The following DNASE1 variants were observed in gnomAD, a reference collection of about 807,000 sequenced individuals.
DNASE1 encodes deoxyribonuclease 1, also known as deoxyribonuclease-1.
In DNASE1, 40 loss-of-function variants were observed where a neutral mutation model predicts 33.9. The observed-to-expected ratio is 1.18, with a 90% confidence interval of 0.92 to 1.54. The LOEUF (loss-of-function observed/expected upper bound fraction) is 1.54, where lower values mean the gene tolerates loss of function less well. Ranked by LOEUF, DNASE1 falls within the 40% of genes most tolerant of loss-of-function variation. The pLI is 0.00. For missense variants in DNASE1, 518 were observed against 372.6 expected (o/e 1.39, Z -3.21); for synonymous variants, 216 against 160.0 (o/e 1.35, Z -2.64).
At chr16:3,642,123 C>T (rs868058499), upstream of DNASE1, among the ~76,000 whole-genome samples, 1 of 152,170 alleles carries the variant, frequency 6.6e-6, no homozygotes, top group Admixed American at 6.5e-5. Context: ...CCCTCCTGGC[C>T]GTGGAGACAG....
At chr16:3,614,044 C>T (rs1262055599) in intron 1 of DNASE1, among the ~76,000 whole-genome samples, 3 of 151,774 alleles carry the variant, frequency 2.0e-5, no homozygotes, top group East Asian at 1.9e-4. Context: ...TCCCGAATAC[C>T]TGGGACTACA....
chr16:3,661,770 T>G (rs1485377686), downstream of DNASE1: 18 of 465,096 alleles, frequency 3.9e-5, no homozygotes, highest in Non-Finnish European at 5.0e-5. Flanking sequence ...GGCTGGGATG[T>G]GGCTAACCTC....
chr16:3,626,356 C>T (rs779764403), intron 1 of DNASE1, among the ~76,000 whole-genome samples: 5 of 152,148 alleles, frequency 3.3e-5, no homozygotes, highest in East Asian at 1.9e-4. Context: ...AACTGCTAGA[C>T]AATAGCTAGT....
intron 1 of DNASE1, among the ~76,000 whole-genome samples, chr16:3,618,103 A>AG (rs34978472): frequency 6.7e-6 from 1 of 150,332 alleles, no homozygotes; most frequent in Non-Finnish European, 1.5e-5. Flanking sequence ...AAAAAAAAAA[A>AG]TGGACATAGG....
intron 1 of DNASE1, among the ~76,000 whole-genome samples, chr16:3,645,734 T>C (rs1235437821): frequency 6.6e-6 from 1 of 152,220 alleles, no homozygotes; most frequent in African/African-American, 2.4e-5. Context: ...GTGCAGCTGT[T>C]GTAAGTCTTT....
intron 1 of DNASE1, 94 bp from the exon 2 acceptor site, chr16:3,655,279 C>G: frequency 6.4e-7 from 1 of 1,564,930 alleles, no homozygotes. Flanking sequence ...TTGAGCTCCA[C>G]CAGCCCCTGC....
At chr16:3,657,461 A>T (rs1397675661) in intron 7 of DNASE1, 120 bp downstream of exon 7, 11 of 1,379,642 alleles carry the variant, frequency 8.0e-6, no homozygotes, top group Non-Finnish European at 9.9e-6. Context: ...GCTTCAGTTG[A>T]TCCACTACAG....
intron 1 of DNASE1, among the ~76,000 whole-genome samples, chr16:3,645,110 A>C (rs1197854512): frequency 6.6e-6 from 1 of 152,198 alleles, no homozygotes; most frequent in Non-Finnish European, 1.5e-5. Context: ...CCTGGGTGAC[A>C]GAGTGAGAGA....
rs8176928 is a variant in DNASE1, at chr16:3,656,184, A to G, written c.319A>G (p.Arg107Gly). Residue 107 changes from arginine to glycine, a missense_variant and splice_region_variant, in exon 4 of 9, where the codon AGG becomes GGG. Transcript: ENST00000246949. ...TAAGGAGCGCTACCTGTTCGTGTAC[A>G]GGTGGGTGGTCTAGAAAGCCAGGAA... ...SYKERYLFVY[R>G]PDQVSAVDSY... 7.5e-4 allele frequency: 1,214 copies of G among 1,614,018 alleles called. 4 individuals carry two copies. The African/African-American group carries it at 0.014, about 18-fold the overall frequency.
Position 3,657,947 on chromosome 16 carries a change from G to A in DNASE1, c.843G>A (p.Leu281=), listed in dbSNP as rs778027939. Reference sequence around the variant, plus strand: ...ACCACTATCCAGTGGAGGTGATGCTGAAGTGAGCAGCCCCTCCCCACACCA... The same window carrying A: ...ACCACTATCCAGTGGAGGTGATGCTAAAGTGAGCAGCCCCTCCCCACACCA... ...ISDHYPVEVM[L]K Residue 281 remains leucine (L), a synonymous_variant, in exon 9 of 9, where the codon CTG becomes CTA. Transcript: ENST00000246949. 5 of 1,613,958 alleles carry A rather than the reference G, an allele frequency of 3.1e-6. No individual in the cohort carries two copies. In the South Asian group the frequency reaches 5.5e-5, roughly 18 times the overall value.
At chr16:3,612,651 C>G (rs1050498231) in intron 1 of DNASE1, among the ~76,000 whole-genome samples, 4 of 151,250 alleles carry the variant, frequency 2.6e-5, no homozygotes, top group African/African-American at 4.9e-5. Context: ...GCAAGAGATC[C>G]TCCCGCCTCG....
chr16:3,658,808 C>T (rs773398040), downstream of DNASE1: 4 of 1,613,832 alleles, frequency 2.5e-6, no homozygotes, highest in Non-Finnish European at 3.4e-6. Context: ...CCACCAGCAG[C>T]TGAGCCAGGC....
intron 1 of DNASE1, among the ~76,000 whole-genome samples, chr16:3,613,917 T>A (rs865820483): frequency 0.051 from 7,324 of 144,992 alleles, 227 homozygotes; most frequent in Admixed American, 0.071. Flanking sequence ...AATTTTTTTT[T>A]TTTTTTTTTT....
At chr16:3,632,155 T>C (rs1355796810) in intron 1 of DNASE1, among the ~76,000 whole-genome samples, 1 of 152,220 alleles carries the variant, frequency 6.6e-6, no homozygotes, top group East Asian at 1.9e-4. Flanking sequence ...TTGGTGAATG[T>C]TCCATGTGAG....
At chr16:3,634,045 C>T (rs1471552487) in intron 1 of DNASE1, among the ~76,000 whole-genome samples, 1 of 151,826 alleles carries the variant, frequency 6.6e-6, no homozygotes, top group East Asian at 2.0e-4. Flanking sequence ...CTCCTGACCT[C>T]GTGATCCGCC....
At chr16:3,615,028 T>C (rs904266102) in intron 1 of DNASE1, among the ~76,000 whole-genome samples, 1 of 152,194 alleles carries the variant, frequency 6.6e-6, no homozygotes, top group African/African-American at 2.4e-5. Flanking sequence ...AAAGAGAGTT[T>C]TCTTAAACCT....
intron 1 of DNASE1, among the ~76,000 whole-genome samples, chr16:3,620,036 C>T (rs1596556510): frequency 1.3e-5 from 2 of 151,828 alleles, no homozygotes; most frequent in African/African-American, 2.4e-5. Context: ...TTGCCTCAGC[C>T]TCCTGAGTAG....
At chr16:3,631,165 G>A (rs1183707884) in intron 1 of DNASE1, among the ~76,000 whole-genome samples, 1 of 151,724 alleles carries the variant, frequency 6.6e-6, no homozygotes, top group Non-Finnish European at 1.5e-5. Context: ...TGGGACTACA[G>A]GCGCATGCCA....
Position 3,657,090 on chromosome 16 carries a change from C to G in DNASE1, c.528C>G (p.Val176=), listed in dbSNP as rs8176938. ...IDALYDVYLD[V]QEKWGLEDVM... ...CTCTCTATGACGTCTACCTGGATGTCCAAGAGAAATGGGGCTTGGAGGTGA... is the reference window on the plus strand; with the variant it reads ...CTCTCTATGACGTCTACCTGGATGTGCAAGAGAAATGGGGCTTGGAGGTGA... Residue 176 remains valine, a synonymous_variant, in exon 6 of 9, where the codon GTC becomes GTG. Coordinates refer to ENST00000246949, the MANE Select transcript of DNASE1 (RefSeq NM_005223.4). 64,508 of 1,614,074 alleles carry G rather than the reference C, an allele frequency of 0.04. 1,544 individuals are homozygous for G. Among genetic ancestry groups the G allele is most frequent in the Non-Finnish European group, 0.046 (54,415 of 1,180,004 alleles).
Sources: allele counts gnomAD v4.1 joint callset (sites outside exome capture counted in the v4.1 genomes callset), GRCh38; gene constraint gnomAD v4.1.1; transcripts MANE v1.5; gene names NCBI Gene and HGNC (gene_info 2026-07-23, HGNC 2026-07-21).